NFKB1: variants seen among roughly 807,000 people sequenced by gnomAD.
NFKB1 encodes the protein nuclear factor kappa B subunit 1, also known as nuclear factor NF-kappa-B p105 subunit.
Under a neutral mutation model 105.1 loss-of-function variants are expected in NFKB1, and 9 were observed. The ratio of observed to expected loss-of-function variants is 0.09; its 90% confidence interval spans 0.05 to 0.15. The LOEUF is 0.15. NFKB1 is among the 10% of genes least tolerant of loss of function. The pLI, the probability that NFKB1 is intolerant of heterozygous loss-of-function variation, is 1.00. For synonymous variants in NFKB1, 440 were observed against 442.2 expected (o/e 1.00, Z 0.06); for missense variants, 830 against 1,203.7 (o/e 0.69, Z 4.59).
chr4:102,530,002 A>G, intron 3 of NFKB1, 88 bp downstream of exon 3: 1 of 877,044 alleles, frequency 1.1e-6, no homozygotes, highest in African/African-American at 1.7e-5. Flanking sequence ...CTAGAAACTC[A>G]GTTGTGTACC....
intron 2 of NFKB1, among the ~76,000 whole-genome samples, chr4:102,527,567 G>C (rs1394113687): frequency 6.6e-6 from 1 of 152,134 alleles, no homozygotes; most frequent in Non-Finnish European, 1.5e-5. Context: ...ATCACTTCGG[G>C]TGATATTCTG....
At chr4:102,525,675 T>A (rs1029961126) in intron 2 of NFKB1, 118 bp downstream of exon 2, 112 of 866,100 alleles carry the variant, frequency 1.3e-4, no homozygotes, top group Admixed American at 4.1e-4. Context: ...AATTTTTTTT[T>A]AATTTCAGTT....
intron 1 of NFKB1, among the ~76,000 whole-genome samples, chr4:102,502,354 T>C: frequency 6.8e-6 from 1 of 147,684 alleles, no homozygotes. Context: ...TCTCTCTCTC[T>C]CTCCCCCCTC....
At chr4:102,511,401 G>A (rs567849092) in intron 1 of NFKB1, among the ~76,000 whole-genome samples, 5 of 152,312 alleles carry the variant, frequency 3.3e-5, no homozygotes, top group Admixed American at 2.0e-4. Context: ...CTTGCTGGGC[G>A]TAGTGGCTCA....
intron 11 of NFKB1, among the ~76,000 whole-genome samples, chr4:102,592,750 C>T (rs2149202575): frequency 6.6e-6 from 1 of 152,284 alleles, no homozygotes; most frequent in South Asian, 2.1e-4. Context: ...CCAAACTTAT[C>T]TACTCCTGTT....
Position 102,596,131 on chromosome 4 carries a change from A to T in NFKB1, c.1301-7A>T. ...AGAAAAATCTGATGTTTTTGCATTT[A>T]TCTTAGGAACCATGGACACTGAATC... On this transcript the variant is annotated splice_polypyrimidine_tract_variant and splice_region_variant and intron_variant, in intron 13 of 23. Coordinates refer to ENST00000226574, the MANE Select transcript of NFKB1 (RefSeq NM_003998.4). 1 of 1,523,676 alleles carries T rather than the reference A, an allele frequency of 6.6e-7. No individual in the cohort carries two copies. Among genetic ancestry groups the T allele is most frequent in the Non-Finnish European group, 8.9e-7 (1 of 1,128,050 alleles). 94.4% of individuals were successfully genotyped at this position (1,523,676 alleles called of 1,614,324 possible).
intron 5 of NFKB1, among the ~76,000 whole-genome samples, chr4:102,540,689 TG>T (rs2149131319): frequency 6.6e-6 from 1 of 152,312 alleles, no homozygotes; most frequent in East Asian, 1.9e-4. Context: ...ATGGTTCTGC[TG>T]TTCCTAACAG....
intron 1 of NFKB1, among the ~76,000 whole-genome samples, chr4:102,523,376 T>C (rs1585214): frequency 0.63 from 95,373 of 152,056 alleles, 31,155 homozygotes; most frequent in African/African-American, 0.82. Flanking sequence ...TGCCCTTTCC[T>C]TTTTGTTAAA....
chr4:102,536,783 A>C (rs1741666684), intron 4 of NFKB1, among the ~76,000 whole-genome samples: 1 of 152,130 alleles, frequency 6.6e-6, no homozygotes, highest in Non-Finnish European at 1.5e-5. Context: ...AATAGAAACA[A>C]AAGGTGAGAA....
At chr4:102,558,351 C>T (rs1021029634) in intron 5 of NFKB1, among the ~76,000 whole-genome samples, 3 of 152,066 alleles carry the variant, frequency 2.0e-5, no homozygotes, top group African/African-American at 7.2e-5. Context: ...ACCTCCAGCT[C>T]CATCCATGTC....
chr4:102,512,191 T>G (rs1204870819), intron 1 of NFKB1, among the ~76,000 whole-genome samples: 1 of 152,182 alleles, frequency 6.6e-6, no homozygotes, highest in Non-Finnish European at 1.5e-5. Context: ...AAAGTAAATA[T>G]TTTGCTTAAT....
At chr4:102,573,370 A>G (rs1724549160) in intron 6 of NFKB1, among the ~76,000 whole-genome samples, 1 of 152,062 alleles carries the variant, frequency 6.6e-6, no homozygotes, top group Non-Finnish European at 1.5e-5. Flanking sequence ...ATGTTGTTCC[A>G]CTGTCTTCTG....
chr4:102,524,952 A>T (rs1740810929), intron 1 of NFKB1, among the ~76,000 whole-genome samples: 1 of 152,174 alleles, frequency 6.6e-6, no homozygotes, highest in African/African-American at 2.4e-5. Context: ...GTGCTGCGTT[A>T]TCCATAGCCC....
At chr4:102,610,793 C>T (rs1728335984) in intron 20 of NFKB1, 94 bp downstream of exon 20, 1 of 1,405,496 alleles carries the variant, frequency 7.1e-7, no homozygotes, top group Non-Finnish European at 9.6e-7. Flanking sequence ...CTTTATTCCC[C>T]AAAGAACATG....
chr4:102,536,910 T>C (rs772464150), intron 4 of NFKB1, among the ~76,000 whole-genome samples: 11 of 152,226 alleles, frequency 7.2e-5, no homozygotes, highest in Non-Finnish European at 1.5e-4. Context: ...CACAAATTGA[T>C]TGACATCATT....
intron 1 of NFKB1, among the ~76,000 whole-genome samples, chr4:102,509,966 A>G (rs1487966956): frequency 6.6e-6 from 1 of 151,108 alleles, no homozygotes; most frequent in African/African-American, 2.4e-5. Context: ...TCACCCCCTT[A>G]CTCCCTCCGG....
In NFKB1 at chr4:102,559,681, C is replaced by G. The variant is rs542791580; in HGVS notation, c.259-7306C>G. Among the ~76,000 whole-genome samples the G allele has an allele frequency of 6.8e-4, 103 of 151,984 alleles. 1 individual carries two copies. Among genetic ancestry groups the G allele is most frequent in the African/African-American group, 2.3e-3 (96 of 41,474 alleles). On this transcript the variant is annotated intron_variant, in intron 5 of 23. Transcript: ENST00000226574. Reference sequence around the variant, plus strand: ...AAGAGGCCAGGCACAGTGGCTCATGCCAGTAATCCTAGCACTTTAGGAGGC... The same window carrying G: ...AAGAGGCCAGGCACAGTGGCTCATGGCAGTAATCCTAGCACTTTAGGAGGC...
At chr4:102,541,269 A>G (rs533815985) in intron 5 of NFKB1, among the ~76,000 whole-genome samples, 1 of 152,318 alleles carries the variant, frequency 6.6e-6, no homozygotes, top group South Asian at 2.1e-4. Context: ...AATCAACCTT[A>G]ACCTTACCCA....
chr4:102,553,047 G>T (rs2149146250), intron 5 of NFKB1, among the ~76,000 whole-genome samples: 1 of 152,196 alleles, frequency 6.6e-6, no homozygotes, highest in Middle Eastern at 3.4e-3. Context: ...TTTAGTAGGG[G>T]CTTTCCACAG....
Sources: gnomAD v4.1 joint callset for allele counts (sites outside exome capture counted in the v4.1 genomes callset) on GRCh38, gnomAD v4.1.1 for gene constraint, MANE v1.5 for transcripts, NCBI Gene and HGNC (gene_info 2026-07-23, HGNC 2026-07-21) for gene names.